Variants in TULP4 observed in about 807,000 individuals in gnomAD.
TULP4 encodes tubby-related protein 4.
Under a neutral mutation model 129.0 loss-of-function variants are expected in TULP4, and 16 were observed. The ratio of observed to expected loss-of-function variants is 0.12; its 90% CI spans 0.08 to 0.19. TULP4 has a LOEUF of 0.19. Among genes scored for constraint, TULP4 ranks in the 10% least tolerant of loss-of-function variants. TULP4 has a pLI of 1.00. For missense variants in TULP4, 1,842 were observed against 2,059.1 expected, an observed-to-expected ratio of 0.89 and a Z score of 2.04; for synonymous variants, 998 against 854.0, an observed-to-expected ratio of 1.17 and a Z score of -2.94.
intron 6 of TULP4, among the ~76,000 whole-genome samples, chr6:158,468,883 AT>A (rs1157973561): frequency 6.6e-6 from 1 of 152,162 alleles, no homozygotes; most frequent in Non-Finnish European, 1.5e-5. Flanking sequence ...AATCTCTTTT[AT>A]AAGGGCACTA....
At chr6:158,367,582 A>C (rs1240389853) in intron 1 of TULP4, among the ~76,000 whole-genome samples, 1 of 152,210 alleles carries the variant, frequency 6.6e-6, no homozygotes, top group South Asian at 2.1e-4. Flanking sequence ...AAACCCTTCC[A>C]CCTTAATAAA....
chr6:158,413,216 C>T lies in TULP4; in HGVS notation c.381+23C>T, dbSNP rs1778135510. ...CAGGTGAGTGGCAGGCGCAGCTCTG[C>T]CAGTGAAGGGCTGCGGGGTAGAGGA... On this transcript the variant is annotated intron_variant, in intron 2 of 13. Coordinates refer to ENST00000367097, the MANE Select transcript of TULP4 (RefSeq NM_020245.5). This position sits in a 1 kb window ranked among gnomAD's most constrained non-coding sequence, Gnocchi z 4.9. 1.2e-6 allele frequency: 2 copies of T among 1,600,542 alleles called. No homozygotes were observed. Among genetic ancestry groups the T allele is most frequent in the Admixed American group, 1.7e-5 (1 of 59,304 alleles).
chr6:158,441,739 A>T (rs528239692), intron 3 of TULP4, among the ~76,000 whole-genome samples: 1 of 152,280 alleles, frequency 6.6e-6, no homozygotes, highest in South Asian at 2.1e-4. Flanking sequence ...AGACTCTCGG[A>T]CATAAATTAT....
chr6:158,460,585 G>A (rs1016321444), intron 5 of TULP4, among the ~76,000 whole-genome samples: 1 of 152,180 alleles, frequency 6.6e-6, no homozygotes. Context: ...TGAGTAGTTT[G>A]TAGGTGGGCA....
intron 8 of TULP4, among the ~76,000 whole-genome samples, chr6:158,482,851 G>A (rs540981541): frequency 6.6e-6 from 1 of 152,240 alleles, no homozygotes; most frequent in Non-Finnish European, 1.5e-5. Flanking sequence ...AGGCTGTGCT[G>A]TGGAGTACCC....
At chr6:158,321,774 A>G (rs1326277614) in intron 1 of TULP4, among the ~76,000 whole-genome samples, 5 of 152,042 alleles carry the variant, frequency 3.3e-5, no homozygotes, top group Non-Finnish European at 7.4e-5. Flanking sequence ...CTTAAACTCT[A>G]CTATTTTTCT....
intron 8 of TULP4, among the ~76,000 whole-genome samples, chr6:158,484,671 G>A (rs1554295931): frequency 6.6e-6 from 1 of 152,168 alleles, no homozygotes; most frequent in Non-Finnish European, 1.5e-5. Context: ...GCACCAAGGA[G>A]AGGACATATG....
At position 158,481,244 on chromosome 6, in the gene TULP4, C is replaced by T. The variant is rs753531085; in HGVS notation, c.1441C>T (p.Arg481Trp). 6.2e-6 allele frequency: 10 copies of T among 1,614,080 alleles called. No homozygotes were observed. The highest frequency in any genetic ancestry group is 8.5e-6 in the Non-Finnish European group (10 of 1,180,030). The change falls in exon 8 of 14, where the codon CGG becomes TGG. Residue 481 changes from arginine to tryptophan, a missense_variant. Physicochemically the swap from Arg to Trp is moderately radical, Grantham distance 101. Coordinates refer to ENST00000367097, the MANE Select transcript of TULP4 (RefSeq NM_020245.5). ...CAAAGGGCGGCGCATCAGCAAGCTG[C>T]GGCCAGAGTTCGTCATCATGGACCC... ...ILKGRRISKL[R>W]PEFVIMDPRT...
At chr6:158,401,043 T>TG (rs1777831649) in intron 1 of TULP4, among the ~76,000 whole-genome samples, 2 of 136,264 alleles carry the variant, frequency 1.5e-5, no homozygotes, top group Non-Finnish European at 3.2e-5. Context: ...TATGTTTGTT[T>TG]GGGTTTTTTG....
chr6:158,242,489 CTTCAGT>C, intron 1 of TULP4: 1 of 820,568 alleles, frequency 1.2e-6, no homozygotes, highest in South Asian at 1.4e-5. Context: ...CATAAAGCTC[CTTCAGT>C]TTGTCTGTCT....
intron 1 of TULP4, among the ~76,000 whole-genome samples, chr6:158,265,574 T>C (rs574126535): frequency 1.3e-5 from 2 of 151,788 alleles, no homozygotes; most frequent in South Asian, 4.2e-4. Flanking sequence ...CCCAGCTACT[T>C]GGGAGGCTGA....
At position 158,350,650 on chromosome 6, in the gene TULP4, G is replaced by A. The variant is rs530195048; in HGVS notation, c.252+36382G>A. On this transcript the variant is annotated intron_variant, in intron 1 of 13. Coordinates refer to ENST00000367097, the MANE Select transcript of TULP4 (RefSeq NM_020245.5). ...CGAGGCAGGAGAATCACGGGAGCCC[G>A]AGGCAGGGAGGTTGCAGCGAGCTGA... 9.2e-5 allele frequency among the ~76,000 whole-genome samples: 14 copies of A among 152,310 alleles called. No homozygotes were observed. In the East Asian group the frequency reaches 2.3e-3, roughly 25 times the overall value.
At chr6:158,339,457 G>C (rs1191555499) in intron 1 of TULP4, among the ~76,000 whole-genome samples, 1 of 152,130 alleles carries the variant, frequency 6.6e-6, no homozygotes, top group Non-Finnish European at 1.5e-5. Flanking sequence ...CGCCAGGCTG[G>C]AATTTCCTAA....
intron 6 of TULP4, among the ~76,000 whole-genome samples, chr6:158,476,963 C>G (rs893420197): frequency 1.3e-5 from 2 of 152,182 alleles, no homozygotes; most frequent in South Asian, 4.1e-4. Context: ...GGTACCTAGC[C>G]TGCCTTAGCC....
chr6:158,350,482 C>T (rs1171486812), intron 1 of TULP4, among the ~76,000 whole-genome samples: 4 of 152,182 alleles, frequency 2.6e-5, no homozygotes, highest in African/African-American at 7.2e-5. Context: ...CCCAGCACCT[C>T]GGGAGGCCGA....
chr6:158,447,718 A>G (rs985277231), intron 3 of TULP4, among the ~76,000 whole-genome samples: 2 of 152,212 alleles, frequency 1.3e-5, no homozygotes, highest in Non-Finnish European at 2.9e-5. Flanking sequence ...AAAAATTGAA[A>G]AAGCCTTAAC....
intron 1 of TULP4, among the ~76,000 whole-genome samples, chr6:158,327,130 T>A (rs1289983981): frequency 7.9e-5 from 3 of 37,890 alleles, no homozygotes; most frequent in South Asian, 1.7e-3. Context: ...TTGTAAGGAT[T>A]CAGTGGTTAC....
Position 158,423,786 on chromosome 6 carries a change from G to A in TULP4, c.382-5950G>A, listed in dbSNP as rs570444041. ...CTCCCAAGTAGCTGGGACTACAGGT[G>A]CCTGCCACCACACCCGGCTAATTTT... On this transcript the variant is annotated intron_variant, in intron 2 of 13. Coordinates refer to ENST00000367097, the MANE Select transcript of TULP4 (RefSeq NM_020245.5). 1.1e-4 allele frequency among the ~76,000 whole-genome samples: 16 copies of A among 152,130 alleles called. No individual in the cohort carries two copies. The East Asian group carries it at 1.7e-3, about 17-fold the overall frequency.
chr6:158,377,294 C>G (rs1777215003), intron 1 of TULP4, among the ~76,000 whole-genome samples: 1 of 152,172 alleles, frequency 6.6e-6, no homozygotes, highest in African/African-American at 2.4e-5. Flanking sequence ...TGATAACACC[C>G]ACCACATAGG....
Sources: gnomAD v4.1 joint callset for allele counts (sites outside exome capture counted in the v4.1 genomes callset) on GRCh38, gnomAD v4.1.1 for gene constraint, Gnocchi (gnomAD v3.1) non-coding constraint, MANE v1.5 for transcripts, NCBI Gene and HGNC (gene_info 2026-07-23, HGNC 2026-07-21) for gene names.